Variants in FER1L6 observed in about 807,000 individuals in gnomAD.
FER1L6 encodes the protein fer-1-like protein 6.
Under a neutral mutation model 219.2 loss-of-function variants are expected in FER1L6, and 177 were observed. The ratio of observed to expected loss-of-function variants is 0.81; its 90% CI spans 0.71 to 0.91. The LOEUF is 0.91. Ranked by LOEUF, FER1L6 falls within the 40% of genes least tolerant of loss-of-function variation. The pLI is 0.00. For synonymous variants in FER1L6, 768 were observed against 824.3 expected, an observed-to-expected ratio of 0.93 and a Z score of 1.17; for missense variants, 2,153 against 2,259.9, an observed-to-expected ratio of 0.95 and a Z score of 0.96.
intron 1 of FER1L6, among the ~76,000 whole-genome samples, chr8:123,944,711 A>G (rs560271169): frequency 1.3e-5 from 2 of 152,318 alleles, no homozygotes; most frequent in Admixed American, 6.5e-5. Context: ...TATGAGGTAC[A>G]GGGTAACCAG....
At chr8:123,986,303 T>C (rs1422640113) in intron 12 of FER1L6, 127 bp downstream of exon 12, 6 of 603,882 alleles carry the variant, frequency 9.9e-6, no homozygotes, top group African/African-American at 3.8e-5. Context: ...CAGAATGAGA[T>C]GAACAATTCC....
intron 1 of FER1L6, among the ~76,000 whole-genome samples, chr8:123,902,572 C>G (rs909856015): frequency 6.6e-6 from 1 of 152,150 alleles, no homozygotes; most frequent in African/African-American, 2.4e-5. Flanking sequence ...CCCTCTTTGT[C>G]TCTTTTAACT....
intron 28 of FER1L6, among the ~76,000 whole-genome samples, chr8:124,069,085 C>T (rs1036500772): frequency 1.3e-5 from 2 of 151,754 alleles, no homozygotes; most frequent in Admixed American, 6.6e-5. Context: ...TACAGGCGCC[C>T]GCCACCATGC....
chr8:124,091,101 C>T (rs907320500), intron 33 of FER1L6, among the ~76,000 whole-genome samples: 3 of 152,026 alleles, frequency 2.0e-5, no homozygotes, highest in African/African-American at 7.2e-5. Context: ...ATGGTTATAC[C>T]TCATTGTGAA....
At chr8:123,855,497 G>A (rs539252549) in intron 1 of FER1L6, among the ~76,000 whole-genome samples, 1 of 151,792 alleles carries the variant, frequency 6.6e-6, no homozygotes, top group Non-Finnish European at 1.5e-5. Context: ...TCTCATCCAG[G>A]GCATTAGTAT....
rs920990670 is a variant in FER1L6, at chr8:124,076,263, C to T, written c.4158C>T (p.Gly1386=). 3.1e-6 allele frequency: 5 copies of T among 1,613,902 alleles called. No individual in the cohort carries two copies. The African/African-American group carries it at 6.7e-5, about 22-fold the overall frequency. The change falls in exon 32 of 41, where the codon GGC becomes GGT. Residue 1386 remains glycine (G), a synonymous_variant. Transcript: ENST00000522917. ...ATCCCTACATTGTGATCAAGCTTGG[C>T]AAGACAGAAATCAAAGACCGGGATA... is the stretch of plus-strand genomic sequence containing the variant. ...KSDPYIVIKL[G]KTEIKDRDKY...
At chr8:123,979,061 G>A (rs1234363863) in intron 10 of FER1L6, among the ~76,000 whole-genome samples, 1 of 152,102 alleles carries the variant, frequency 6.6e-6, no homozygotes, top group Non-Finnish European at 1.5e-5. Context: ...TTATATTTAA[G>A]TCTACTCAAG....
At chr8:124,048,029 C>T (rs1819815148) in intron 21 of FER1L6, among the ~76,000 whole-genome samples, 1 of 152,188 alleles carries the variant, frequency 6.6e-6, no homozygotes, top group South Asian at 2.1e-4. Flanking sequence ...GGTTAATGAA[C>T]AAATTGTTAG....
intron 33 of FER1L6, among the ~76,000 whole-genome samples, chr8:124,090,553 T>C (rs1821985179): frequency 6.6e-6 from 1 of 152,214 alleles, no homozygotes; most frequent in South Asian, 2.1e-4. Context: ...TGGATGACCT[T>C]TTCAGGATTC....
intron 31 of FER1L6, 127 bp downstream of exon 31, chr8:124,071,758 T>A: frequency 8.1e-7 from 1 of 1,227,094 alleles, no homozygotes; most frequent in Admixed American, 2.7e-5. Flanking sequence ...ATGCCATAAG[T>A]CTATAATCAA....
At position 124,065,713 on chromosome 8, in the gene FER1L6, G is replaced by A. The variant is rs112607348; in HGVS notation, c.3556-715G>A. Reference sequence around the variant, plus strand: ...AATTTTTCAACATCTCTATACCCCCGCACTCGATAGAGTGCCTGGGTCATA... The same window carrying A: ...AATTTTTCAACATCTCTATACCCCCACACTCGATAGAGTGCCTGGGTCATA... On this transcript the variant is annotated intron_variant, in intron 26 of 40. Transcript: ENST00000522917. 5.4e-3 allele frequency among the ~76,000 whole-genome samples: 820 copies of A among 152,224 alleles called. 17 individuals are homozygous for A. Among genetic ancestry groups the A allele is most frequent in the African/African-American group, 0.019 (770 of 41,536 alleles).
At chr8:123,933,416 C>T (rs1157718985) in intron 1 of FER1L6, among the ~76,000 whole-genome samples, 1 of 150,216 alleles carries the variant, frequency 6.7e-6, no homozygotes, top group Non-Finnish European at 1.5e-5. Context: ...GTGTGTGTAG[C>T]CTCACACTAG....
At chr8:123,877,486 G>T (rs1817022827) in intron 1 of FER1L6, among the ~76,000 whole-genome samples, 1 of 152,120 alleles carries the variant, frequency 6.6e-6, no homozygotes, top group South Asian at 2.1e-4. Context: ...CCTGCAGCTG[G>T]CAGCACTGGC....
intron 18 of FER1L6, 147 bp downstream of exon 18, chr8:124,023,743 T>G: frequency 2.6e-6 from 2 of 769,706 alleles, no homozygotes; most frequent in Non-Finnish European, 3.9e-6. Flanking sequence ...TGCCTCTTGG[T>G]TCAAATTGCA....
chr8:123,931,778 G>A lies in FER1L6; in HGVS notation c.-7-24214G>A, dbSNP rs561689412. ...TGTTGCAAATATTAAAATCTCAACA[G>A]TCAAGGCACTTAACACAAAAATATA... is the stretch of plus-strand genomic sequence containing the variant. On this transcript the variant is annotated intron_variant, in intron 1 of 40. Transcript: ENST00000522917. Among the ~76,000 whole-genome samples the A allele has an allele frequency of 2.6e-5, 4 of 152,260 alleles. No homozygotes were observed. The South Asian group carries it at 6.2e-4, about 24-fold the overall frequency.
At chr8:124,049,903 C>T (rs1004630310) in intron 22 of FER1L6, 147 bp downstream of exon 22, 67 of 744,198 alleles carry the variant, frequency 9.0e-5, no homozygotes, top group Middle Eastern at 3.9e-4. Flanking sequence ...CTGAGAGGTG[C>T]GCTTAAGAAC....
chr8:123,887,447 T>C (rs917791056), intron 1 of FER1L6, among the ~76,000 whole-genome samples: 4 of 152,166 alleles, frequency 2.6e-5, no homozygotes, highest in African/African-American at 9.7e-5. Context: ...TCAGTTTCCA[T>C]CTCTCTCTGG....
chr8:123,957,485 T>TTATGACATATGACATATGACA (rs1563707048), intron 2 of FER1L6, among the ~76,000 whole-genome samples: 1 of 152,080 alleles, frequency 6.6e-6, no homozygotes, highest in Non-Finnish European at 1.5e-5. Context: ...ACACTAGTAT[T>TTATGACATATGACATATGACA]TATGACATAT....
rs746377805 is a variant in FER1L6, at chr8:123,977,550, C to A, written c.1004C>A (p.Ala335Asp). The change falls in exon 10 of 41, where the codon GCC (alanine) becomes GAC (aspartate). Residue 335 changes from alanine (A) to aspartate (D), a missense_variant. Coordinates refer to ENST00000522917, the MANE Select transcript of FER1L6 (RefSeq NM_001039112.2). Reference sequence around the variant, plus strand: ...GATGAAGGCAGCATGAATGACGTAGCCCTGGCAACCCATTTCATTGACCTG... The same window carrying A: ...GATGAAGGCAGCATGAATGACGTAGACCTGGCAACCCATTTCATTGACCTG... ...VWDEGSMNDV[A>D]LATHFIDLKK... 1.2e-6 allele frequency: 2 copies of A among 1,614,036 alleles called. No individual in the cohort carries two copies. Among genetic ancestry groups the A allele is most frequent in the Admixed American group, 3.3e-5 (2 of 60,004 alleles).
Sources: allele counts gnomAD v4.1 joint callset (sites outside exome capture counted in the v4.1 genomes callset), GRCh38; gene constraint gnomAD v4.1.1; transcripts MANE v1.5; gene names NCBI Gene and HGNC (gene_info 2026-07-23, HGNC 2026-07-21).